CHCHD6: variants seen among roughly 807,000 people sequenced by gnomAD.
The protein encoded by CHCHD6 is MICOS complex subunit MIC25.
In CHCHD6, 28 loss-of-function variants were observed where a neutral mutation model predicts 32.3. The observed-to-expected ratio is 0.87, with a 90% CI of 0.64 to 1.19. CHCHD6 has a LOEUF of 1.19. CHCHD6 is among the 50% of genes most tolerant of loss of function. The pLI, the probability that CHCHD6 is intolerant of heterozygous loss-of-function variation, is 0.00. For missense variants in CHCHD6, 333 were observed against 307.0 expected (o/e 1.08, Z -0.63); for synonymous variants, 122 against 117.5 (o/e 1.04, Z -0.25).
intron 6 of CHCHD6, among the ~76,000 whole-genome samples, chr3:126,932,336 A>G (rs2078418214): frequency 6.6e-6 from 1 of 152,166 alleles, no homozygotes; most frequent in South Asian, 2.1e-4. Context: ...GGAATCTGCC[A>G]TGTAAACAAA....
intron 2 of CHCHD6, among the ~76,000 whole-genome samples, chr3:126,728,465 CCTGGA>C (rs768413755): frequency 3.9e-5 from 6 of 152,170 alleles, no homozygotes; most frequent in Non-Finnish European, 7.4e-5. Context: ...CCAGTCAGCA[CCTGGA>C]TTTGGACCCA....
At chr3:126,886,547 G>C (rs1211851687) in intron 5 of CHCHD6, among the ~76,000 whole-genome samples, 11 of 152,206 alleles carry the variant, frequency 7.2e-5, no homozygotes, top group Non-Finnish European at 5.9e-5. Flanking sequence ...GAGCACCAGA[G>C]GGGCCATTTG....
In CHCHD6 at chr3:126,879,954, A is replaced by G. The variant is rs376894586; in HGVS notation, c.495+27224A>G. Among the ~76,000 whole-genome samples the G allele has an allele frequency of 9.2e-5, 14 of 152,266 alleles. No homozygotes were observed. The East Asian group carries it at 2.3e-3, about 25-fold the overall frequency. ...ATTCTGCAAATTTTGTTGGTTTGAA[A>G]ATTTTTCAAAATAAGAACAAGTGTT... On this transcript the variant is annotated intron_variant, in intron 5 of 7. Coordinates refer to ENST00000290913, the MANE Select transcript of CHCHD6 (RefSeq NM_032343.3).
intron 5 of CHCHD6, among the ~76,000 whole-genome samples, chr3:126,906,172 G>A (rs181709613): frequency 7.9e-5 from 12 of 152,228 alleles, no homozygotes; most frequent in Admixed American, 7.8e-4. Context: ...AACTTAGCAG[G>A]TCCAAGCCTG....
intron 4 of CHCHD6, among the ~76,000 whole-genome samples, chr3:126,734,007 C>T (rs991002783): frequency 1.3e-5 from 2 of 152,156 alleles, no homozygotes; most frequent in African/African-American, 4.8e-5. Flanking sequence ...AAGGCTGTTA[C>T]TGCCCCACAA....
At chr3:126,894,582 T>C (rs1304345727) in intron 5 of CHCHD6, among the ~76,000 whole-genome samples, 1 of 152,184 alleles carries the variant, frequency 6.6e-6, no homozygotes, top group East Asian at 1.9e-4. Flanking sequence ...TCTTCCTCTG[T>C]GTGTGCTCAA....
intron 1 of CHCHD6, among the ~76,000 whole-genome samples, chr3:126,712,492 C>G (rs559055218): frequency 3.3e-4 from 50 of 152,258 alleles, no homozygotes; most frequent in Non-Finnish European, 6.2e-4. Flanking sequence ...TTAATTGTAA[C>G]CCTTACTAGG....
chr3:126,864,037 ACCT>A lies in CHCHD6; in HGVS notation c.495+11318_495+11320del, dbSNP rs370192559. On this transcript the variant is annotated intron_variant, in intron 5 of 7. Coordinates refer to ENST00000290913, the MANE Select transcript of CHCHD6 (RefSeq NM_032343.3). ...CACCAACTCCTTCACCACCATCACC[ACCT>A]CCTCCTCCTCTACCATCACCTCCTC... 5.0e-3 allele frequency among the ~76,000 whole-genome samples: 625 copies of A among 126,190 alleles called. 7 individuals carry two copies. The highest frequency in any genetic ancestry group is 0.018 in the African/African-American group (591 of 32,056). The allele number at this position is 126,190 out of a possible 152,430, so 82.8% of individuals were successfully genotyped here.
At chr3:126,777,258 A>G (rs1327863104) in intron 4 of CHCHD6, among the ~76,000 whole-genome samples, 2 of 152,214 alleles carry the variant, frequency 1.3e-5, no homozygotes, top group African/African-American at 4.8e-5. Context: ...GAAATCATAC[A>G]TGGTCAAAAC....
At chr3:126,785,836 T>C (rs1938175187) in intron 4 of CHCHD6, among the ~76,000 whole-genome samples, 1 of 152,178 alleles carries the variant, frequency 6.6e-6, no homozygotes, top group Admixed American at 6.5e-5. Flanking sequence ...TATAAGTAGA[T>C]ATTTATCATA....
intron 4 of CHCHD6, among the ~76,000 whole-genome samples, chr3:126,845,758 A>G (rs1202856141): frequency 6.6e-6 from 1 of 152,128 alleles, no homozygotes; most frequent in African/African-American, 2.4e-5. Context: ...ATGCCATATC[A>G]TGCTAGAAAT....
intron 4 of CHCHD6, among the ~76,000 whole-genome samples, chr3:126,771,209 C>CTTTTT (rs58996472): frequency 7.2e-6 from 1 of 138,874 alleles, no homozygotes; most frequent in African/African-American, 2.7e-5. Flanking sequence ...TTTTCCTTTT[C>CTTTTT]TTTTTTTTTT....
At position 126,914,774 on chromosome 3, in the gene CHCHD6, T is replaced by G. The variant is rs1225268290; in HGVS notation, c.566+24T>G. On this transcript the variant is annotated intron_variant, in intron 6 of 7. Coordinates refer to ENST00000290913, the MANE Select transcript of CHCHD6 (RefSeq NM_032343.3). ...AAGTAAGAATTTGTTTATTATTCTT[T>G]GTAAACTTGGCCCACAATTGTAAAA... 7.2e-6 allele frequency: 10 copies of G among 1,394,654 alleles called. No individual in the cohort carries two copies. In the South Asian group the frequency reaches 1.2e-4, roughly 16 times the overall value. The allele number at this position is 1,394,654 out of a possible 1,614,324, so 86.4% of individuals were successfully genotyped here.
chr3:126,740,417 T>C (rs1007119160), intron 4 of CHCHD6, among the ~76,000 whole-genome samples: 1 of 152,160 alleles, frequency 6.6e-6, no homozygotes, highest in Non-Finnish European at 1.5e-5. Flanking sequence ...TTTAAGAAAA[T>C]AATTAAGAAA....
intron 5 of CHCHD6, among the ~76,000 whole-genome samples, chr3:126,855,280 G>C (rs887998200): frequency 6.6e-6 from 1 of 152,204 alleles, no homozygotes; most frequent in Admixed American, 6.5e-5. Flanking sequence ...GAGCCCATGA[G>C]CCTTGGCTCC....
intron 4 of CHCHD6, among the ~76,000 whole-genome samples, chr3:126,742,145 A>C: frequency 6.6e-6 from 1 of 152,208 alleles, no homozygotes; most frequent in South Asian, 2.1e-4. Context: ...ATCCAAAGGG[A>C]TGGCTGTGGG....
At chr3:126,778,745 GCA>G (rs1364053417) in intron 4 of CHCHD6, among the ~76,000 whole-genome samples, 1 of 151,982 alleles carries the variant, frequency 6.6e-6, no homozygotes, top group Non-Finnish European at 1.5e-5. Context: ...GTCCTTTGAA[GCA>G]CAAAAGTTTT....
intron 5 of CHCHD6, among the ~76,000 whole-genome samples, chr3:126,874,056 A>G (rs1319582395): frequency 6.6e-6 from 1 of 151,938 alleles, no homozygotes; most frequent in East Asian, 1.9e-4. Flanking sequence ...TGCTGTAATT[A>G]CTCTGGATCC....
At chr3:126,837,963 C>T (rs1940928490) in intron 4 of CHCHD6, among the ~76,000 whole-genome samples, 1 of 152,220 alleles carries the variant, frequency 6.6e-6, no homozygotes, top group Non-Finnish European at 1.5e-5. Context: ...CCTGTGATCC[C>T]TCACACCTGA....
Sources: gnomAD v4.1 joint callset for allele counts (sites outside exome capture counted in the v4.1 genomes callset) on GRCh38, gnomAD v4.1.1 for gene constraint, MANE v1.5 for transcripts, NCBI Gene and HGNC (gene_info 2026-07-23, HGNC 2026-07-21) for gene names.